BAG1: variants seen among roughly 807,000 people sequenced by gnomAD.
BAG1 encodes the protein BAG family molecular chaperone regulator 1.
BAG1 carries 35 observed loss-of-function variants against 35.5 expected under a neutral mutation model. That is an observed-to-expected ratio of 0.99 (90% confidence interval 0.75 to 1.31). BAG1 has a LOEUF of 1.31. Ranked by LOEUF, BAG1 falls within the 50% of genes most tolerant of loss-of-function variation. The pLI, the probability that BAG1 is intolerant of heterozygous loss-of-function variation, is 0.00. For synonymous variants in BAG1, 191 were observed against 178.9 expected, an observed-to-expected ratio of 1.07 and a Z score of -0.54; for missense variants, 464 against 453.6, an observed-to-expected ratio of 1.02 and a Z score of -0.21.
At chr9:33,263,257 T>A (rs1259904738) in intron 1 of BAG1, among the ~76,000 whole-genome samples, 8 of 152,230 alleles carry the variant, frequency 5.3e-5, no homozygotes, top group African/African-American at 1.9e-4. Context: ...ACAAGCCATC[T>A]GCTTCCTGTG....
rs779185624 is a variant in BAG1 at position 33,264,577 on chromosome 9, G to C, written c.98C>G (p.Ser33Trp). Residue 33 changes from serine to tryptophan, a missense_variant, in exon 1 of 7, where the codon TCG (serine) becomes TGG (tryptophan). Ser to Trp is a radical substitution (Grantham distance 177). Coordinates refer to ENST00000634734, the MANE Select transcript of BAG1 (RefSeq NM_004323.6). ...CGGACCACGCTGGGCCGGGGGCTCC[G>C]ACTGGCGCGGCTCCCGGCCTGGCCG... 655 of 1,412,746 alleles carry C rather than the reference G, an allele frequency of 4.6e-4. 1 individual carries two copies. The highest frequency in any genetic ancestry group is 5.0e-4 in the Non-Finnish European group (548 of 1,092,902). 87.5% of individuals were successfully genotyped at this position (1,412,746 alleles called of 1,614,324 possible).
rs1316059808 is a variant in BAG1, at chr9:33,254,632, T to G, written c.*587A>C. On this transcript the variant is annotated 3_prime_UTR_variant, in exon 7 of 7. Coordinates refer to ENST00000634734, the MANE Select transcript of BAG1 (RefSeq NM_004323.6). The stretch of plus-strand genomic sequence containing the variant: ...AACGGCCCCCTGGTATCTCATGGCC[T>G]GTGGCTAGTCAGGGTCACTGGGAGG... 1 of 178,148 alleles carries G rather than the reference T, an allele frequency of 5.6e-6. No homozygotes were observed. Among genetic ancestry groups the G allele is most frequent in the Non-Finnish European group, 1.2e-5 (1 of 83,472 alleles). The allele number at this position is 178,148 out of a possible 1,614,324, so 11.0% of individuals were successfully genotyped here.
At position 33,259,011 on chromosome 9, in the gene BAG1, T is replaced by G. The variant is rs776534914; in HGVS notation, c.686A>C (p.Glu229Ala). ...CTCCAAATGTTTCAACTTCTTTAGT[T>G]CAACCTCTTCCTGTGGACTGTTCTA... The change falls in exon 4 of 7, where the codon GAA (glutamate) becomes GCA (alanine). Residue 229 changes from glutamate (E) to alanine (A), a missense_variant. Transcript: ENST00000634734. The G allele has an allele frequency of 3.1e-6, 5 of 1,613,952 alleles. No individual in the cohort carries two copies. The highest frequency in any genetic ancestry group is 2.5e-6 in the Non-Finnish European group (3 of 1,179,920).
chr9:33,259,211 A>C, intron 3 of BAG1, 178 bp from the exon 4 acceptor site: 2 of 467,402 alleles, frequency 4.3e-6, no homozygotes, highest in Non-Finnish European at 7.8e-6. Flanking sequence ...AAAAACAAAA[A>C]AATTAGCCAG....
Position 33,264,470 on chromosome 9 carries a change from T to C in BAG1, c.205A>G (p.Arg69Gly). ...CGGGTTTTCTTCTTCATCCGCGGCCTGCGAGCGCCGGCGGCGGCGCCCCTG... is the reference window on the plus strand; with the variant it reads ...CGGGTTTTCTTCTTCATCCGCGGCCCGCGAGCGCCGGCGGCGGCGCCCCTG... Residue 69 changes from arginine (R) to glycine (G), a missense_variant, in exon 1 of 7, where the codon AGG becomes GGG. Arg to Gly is a moderately radical substitution (Grantham distance 125). Transcript: ENST00000634734. 6.2e-7 allele frequency: 1 copy of C among 1,612,620 alleles called. No individual in the cohort carries two copies. The highest frequency in any genetic ancestry group is 8.5e-7 in the Non-Finnish European group (1 of 1,179,562).
In BAG1 at chr9:33,256,805, G is replaced by A; in HGVS notation, c.881C>T (p.Thr294Ile). 6.2e-7 allele frequency: 1 copy of A among 1,611,402 alleles called. No homozygotes were observed. The highest frequency in any genetic ancestry group is 8.5e-7 in the Non-Finnish European group (1 of 1,177,618). ...CTCAGCTGAATATTTACTTACCAGT[G>A]TGTCAATCTCCTCCAAGATCTTCAT... The change falls in exon 5 of 7, where the codon ACA becomes ATA. Residue 294 changes from threonine (T) to isoleucine (I), a missense_variant. Transcript: ENST00000634734.
At chr9:33,260,114 C>G (rs1355267127) in intron 3 of BAG1, 1 of 152,218 alleles carries the variant, frequency 6.6e-6, no homozygotes, top group Non-Finnish European at 1.5e-5. Context: ...TCAAGTGATC[C>G]TCCTGTCTCA....
intron 4 of BAG1, among the ~76,000 whole-genome samples, chr9:33,258,298 CAAAAAAAAAAAAAA>C (rs10591225): frequency 4.7e-5 from 3 of 63,348 alleles, no homozygotes; most frequent in African/African-American, 8.5e-5. Context: ...GACTCCATAT[CAAAAAAAAAAAAAA>C]AAAAAAAAAA....
At position 33,257,991 on chromosome 9, in the gene BAG1, T is replaced by C. The variant is rs1310945139; in HGVS notation, c.777+929A>G. On this transcript the variant is annotated intron_variant, in intron 4 of 6. Coordinates refer to ENST00000634734, the MANE Select transcript of BAG1 (RefSeq NM_004323.6). ...TGTACAGTCAGCATGTATTCTGTAA[T>C]TAAAACACAAACATATAGGCCGGGC... is the stretch of plus-strand genomic sequence containing the variant. 4 of 152,034 alleles carry C rather than the reference T, an allele frequency of 2.6e-5. No individual in the cohort carries two copies. In the South Asian group the frequency reaches 6.2e-4, roughly 24 times the overall value. The allele number at this position is 152,034 out of a possible 1,614,324, so 9.4% of individuals were successfully genotyped here.
rs934982375 is a variant in BAG1 at position 33,262,228 on chromosome 9, A to G, written c.580+474T>C. Reference sequence around the variant, plus strand: ...GTGTCCAATACCTAGCAGGTCCTCAATAAATATCTGTTGAAGAACTGAATG... The same window carrying G: ...GTGTCCAATACCTAGCAGGTCCTCAGTAAATATCTGTTGAAGAACTGAATG... On this transcript the variant is annotated intron_variant, in intron 2 of 6. Transcript: ENST00000634734. 7.0e-6 allele frequency: 9 copies of G among 1,284,128 alleles called. No individual in the cohort carries two copies. The African/African-American group carries it at 1.2e-4, about 17-fold the overall frequency. The allele number at this position is 1,284,128 out of a possible 1,614,324, so 79.5% of individuals were successfully genotyped here.
At chr9:33,263,539 G>A (rs1416474685) in intron 1 of BAG1, among the ~76,000 whole-genome samples, 1 of 152,106 alleles carries the variant, frequency 6.6e-6, no homozygotes, top group African/African-American at 2.4e-5. Flanking sequence ...CGTGAGGTCA[G>A]CAGGAGCCAG....
chr9:33,262,843 A>G lies in BAG1; in HGVS notation c.452-13T>C. On this transcript the variant is annotated splice_polypyrimidine_tract_variant and intron_variant, in intron 1 of 6. Transcript: ENST00000634734. ...TGCTTCTCATTGCCTGGGGAGAAAG[A>G]AAAGCATTTGACGAATATGATTCTT... is the stretch of plus-strand genomic sequence containing the variant. 6.2e-7 allele frequency: 1 copy of G among 1,609,440 alleles called. No homozygotes were observed. The highest frequency in any genetic ancestry group is 8.5e-7 in the Non-Finnish European group (1 of 1,178,558).
At chr9:33,256,428 A>C (rs1820454440) in intron 5 of BAG1, among the ~76,000 whole-genome samples, 1 of 152,252 alleles carries the variant, frequency 6.6e-6, no homozygotes, top group Non-Finnish European at 1.5e-5. Flanking sequence ...TGAATCATCT[A>C]TAAGTAATGA....
In BAG1 at chr9:33,261,811, A is replaced by C. The variant is rs1820577253; in HGVS notation, c.581-642T>G. On this transcript the variant is annotated intron_variant, in intron 2 of 6. Coordinates refer to ENST00000634734, the MANE Select transcript of BAG1 (RefSeq NM_004323.6). ...ATGATAGATTCTCAGGGGGGTGGGA[A>C]GACAGAGGGCAGGGGCCAGGAGGGT... 5 of 900,558 alleles carry C rather than the reference A, an allele frequency of 5.6e-6. No homozygotes were observed. The Admixed American group carries it at 3.1e-4, about 56-fold the overall frequency. The allele number at this position is 900,558 out of a possible 1,614,324, so 55.8% of individuals were successfully genotyped here.
rs199993128 is a variant in BAG1 at position 33,264,436 on chromosome 9, G to C, written c.239C>G (p.Ser80Trp). Residue 80 changes from serine to tryptophan, a missense_variant, in exon 1 of 7, where the codon TCG becomes TGG. By Grantham distance (177) the Ser-to-Trp change is radical. Transcript: ENST00000634734. Reference sequence around the variant, plus strand: ...CCGGGTCAACTCCTCGCTCCGGGTCGAGCGGCGCCGGGTTTTCTTCTTCAT... The same window carrying C: ...CCGGGTCAACTCCTCGCTCCGGGTCCAGCGGCGCCGGGTTTTCTTCTTCAT... 7 of 1,613,364 alleles carry C rather than the reference G, an allele frequency of 4.3e-6. No individual in the cohort carries two copies.
chr9:33,262,134 A>G (rs900900791), intron 2 of BAG1: 1 of 1,289,706 alleles, frequency 7.8e-7, no homozygotes, highest in African/African-American at 1.5e-5. Flanking sequence ...CATGAGCTTC[A>G]TCGAAAATGG....
In BAG1 at chr9:33,264,426, GC is replaced by G. The variant is rs776188663; in HGVS notation, c.248del (p.Ser83ThrfsTer4). On this transcript the variant is annotated frameshift_variant, in exon 1 of 7. Coordinates refer to ENST00000634734, the MANE Select transcript of BAG1 (RefSeq NM_004323.6). LOFTEE classifies it high-confidence loss of function. The stretch of plus-strand genomic sequence containing the variant: ...ACTCCTCGCTCCGGGTCAACTCCTC[GC>G]TCCGGGTCGAGCGGCGCCGGGTTTT... The G allele has an allele frequency of 4.3e-6, 7 of 1,611,034 alleles. No individual in the cohort carries two copies. The South Asian group carries it at 7.7e-5, about 18-fold the overall frequency.
At chr9:33,260,881 G>A (rs1261070142) in intron 3 of BAG1, among the ~76,000 whole-genome samples, 1 of 152,162 alleles carries the variant, frequency 6.6e-6, no homozygotes, top group African/African-American at 2.4e-5. Flanking sequence ...CTAATTCCTA[G>A]AGCAAAAGTT....
chr9:33,262,385 A>G (rs1476096700), intron 2 of BAG1: 48 of 1,103,734 alleles, frequency 4.3e-5, no homozygotes, highest in Non-Finnish European at 2.8e-5. Context: ...GGCCAGGTGC[A>G]GTGGCTCACA....
Sources: allele counts gnomAD v4.1 joint callset (sites outside exome capture counted in the v4.1 genomes callset), GRCh38; gene constraint gnomAD v4.1.1; transcripts MANE v1.5; gene names NCBI Gene and HGNC (gene_info 2026-07-23, HGNC 2026-07-21).